PRSS1: variants seen among roughly 807,000 people sequenced by gnomAD.
PRSS1 encodes the protein serine protease 1.
Under a neutral mutation model 24.2 loss-of-function variants are expected in PRSS1, and 22 were observed. That is an observed-to-expected ratio of 0.91 (90% CI 0.65 to 1.30). The LOEUF (loss-of-function observed/expected upper bound fraction) is 1.30. Among genes scored for constraint, PRSS1 ranks in the 50% most tolerant of loss-of-function variants. PRSS1 has a pLI of 0.00. For missense variants in PRSS1, 366 were observed against 304.2 expected (o/e 1.20, Z -1.51); for synonymous variants, 126 against 116.1 (o/e 1.08, Z -0.55).
chr7:142,751,138 A>G (rs1268833611), intron 2 of PRSS1: 1 of 699,788 alleles, frequency 1.4e-6, no homozygotes, highest in East Asian at 2.7e-5. Context: ...TACCTCTGCT[A>G]ACTGTAGAGT....
At chr7:142,750,862 CAG>C (rs1798650414) in intron 2 of PRSS1, 148 bp downstream of exon 2, 3 of 1,201,058 alleles carry the variant, frequency 2.5e-6, no homozygotes, top group Non-Finnish European at 3.7e-6. Context: ...CTCTCCAGAG[CAG>C]AGAGTGAACA....
rs746669985 is a variant in PRSS1 at position 142,752,497 on chromosome 7, C to T, written c.521C>T (p.Ser174Phe). 6.2e-7 allele frequency: 1 copy of T among 1,614,182 alleles called. No individual in the cohort carries two copies. Among genetic ancestry groups the T allele is most frequent in the Middle Eastern group, 1.6e-4 (1 of 6,062 alleles). Residue 174 changes from serine to phenylalanine, a missense_variant, in exon 4 of 5, where the codon TCC becomes TTC. By Grantham distance (155) the Ser-to-Phe change is radical (BLOSUM62 -2). Coordinates refer to ENST00000311737, the MANE Select transcript of PRSS1 (RefSeq NM_002769.5). ...CTGAGCCAGGCTAAGTGTGAAGCCT[C>T]CTACCCTGGAAAGATTACCAGCAAC... ...PVLSQAKCEA[S>F]YPGKITSNMF...
rs11553844 is a variant in PRSS1, at chr7:142,752,017, G to A, written c.444G>A (p.Ala148=). ...KCLISGWGNT[A]SSGADYPDEL... ...TCATCTCTGGCTGGGGCAACACTGC[G>A]AGCTCTGGCGGTGAGTGGGACCCTT... The change falls in exon 3 of 5, where the codon GCG becomes GCA. Residue 148 remains alanine (A), a synonymous_variant. Coordinates refer to ENST00000311737, the MANE Select transcript of PRSS1 (RefSeq NM_002769.5). 10 of 1,614,110 alleles carry A rather than the reference G, an allele frequency of 6.2e-6. No individual in the cohort carries two copies. The highest frequency in any genetic ancestry group is 4.4e-5 in the South Asian group (4 of 91,074).
intron 2 of PRSS1, chr7:142,751,346 G>A (rs1004296187): frequency 9.8e-5 from 58 of 590,002 alleles, no homozygotes; most frequent in Non-Finnish European, 1.4e-4. Flanking sequence ...GCTACCCTTG[G>A]ATTAGATTAC....
rs993473335 is a variant in PRSS1, at chr7:142,749,583, C to T, written c.40+59C>T. ...CCCCCCCGTTCCTGGCCGACAAATG[C>T]CCTTCCATTCTTACCACCTCTCCTC... On this transcript the variant is annotated intron_variant, in intron 1 of 4. Coordinates refer to ENST00000311737, the MANE Select transcript of PRSS1 (RefSeq NM_002769.5). 138 of 1,568,948 alleles carry T rather than the reference C, an allele frequency of 8.8e-5. 1 individual carries two copies. Among genetic ancestry groups the T allele is most frequent in the Non-Finnish European group, 1.2e-4 (132 of 1,139,192 alleles).
At position 142,751,793 on chromosome 7, in the gene PRSS1, G is replaced by T. The variant is rs1166447807; in HGVS notation, c.220G>T (p.Gly74Ter). The part of the protein sequence containing the change: ...CYKSRIQVRL[G>*]EHNIEVLEGN... ...CATCAGCCGCATCCAGGTGAGACTG[G>T]GAGAGCACAACATCGAAGTCCTGGA... is the stretch of plus-strand genomic sequence containing the variant. Residue 74 changes from glycine (G) to a stop codon, truncating the protein, a stop_gained, in exon 3 of 5, where the codon GGA (glycine) becomes TGA (stop). Coordinates refer to ENST00000311737, the MANE Select transcript of PRSS1 (RefSeq NM_002769.5). LOFTEE classifies it high-confidence loss of function. The T allele has an allele frequency of 6.2e-7, 1 of 1,614,028 alleles. No homozygotes were observed. Among genetic ancestry groups the T allele is most frequent in the Non-Finnish European group, 8.5e-7 (1 of 1,180,028 alleles).
At chr7:142,751,058 T>C (rs1563259785) in intron 2 of PRSS1, 1 of 703,186 alleles carries the variant, frequency 1.4e-6, no homozygotes, top group Non-Finnish European at 2.6e-6. Context: ...GATGCCTTTG[T>C]CCTATCCCAG....
rs1563261623 is a variant in PRSS1 at position 142,752,025 on chromosome 7, G to A, written c.452G>A (p.Gly151Asp). 2.5e-6 allele frequency: 4 copies of A among 1,614,130 alleles called. No homozygotes were observed. The highest frequency in any genetic ancestry group is 1.7e-4 in the Middle Eastern group (1 of 6,060). ...GGCTGGGGCAACACTGCGAGCTCTG[G>A]CGGTGAGTGGGACCCTTAGTCCTTC... ...ISGWGNTASS[G>D]ADYPDELQCL... The change falls in exon 3 of 5, where the codon GGC (glycine) becomes GAC (aspartate). Residue 151 changes from glycine to aspartate, a missense_variant and splice_region_variant. By Grantham distance (94) the Gly-to-Asp change is moderately conservative. Transcript: ENST00000311737.
In PRSS1 at chr7:142,752,977, A is replaced by G. The variant is rs1798881190; in HGVS notation, c.701A>G (p.Asn234Ser). 4 of 1,613,740 alleles carry G rather than the reference A, an allele frequency of 2.5e-6. No individual in the cohort carries two copies. The African/African-American group carries it at 5.3e-5, about 22-fold the overall frequency. Reference protein sequence around the residue: ...NKPGVYTKVYNYVKWIKNTIA... With the variant: ...NKPGVYTKVYSYVKWIKNTIA... The stretch of plus-strand genomic sequence containing the variant: ...CCTGGAGTCTACACCAAGGTCTACA[A>G]CTATGTGAAATGGATTAAGAACACC... The change falls in exon 5 of 5, where the codon AAC (asparagine) becomes AGC (serine). Residue 234 changes from asparagine to serine, a missense_variant. Asn to Ser is a conservative substitution (Grantham distance 46). Coordinates refer to ENST00000311737, the MANE Select transcript of PRSS1 (RefSeq NM_002769.5).
chr7:142,751,525 G>A (rs1248725815), intron 2 of PRSS1: 9 of 642,954 alleles, frequency 1.4e-5, no homozygotes, highest in Non-Finnish European at 2.4e-5. Flanking sequence ...GGCAGGTTGA[G>A]GAGCAGCCTC....
chr7:142,751,921 T>A lies in PRSS1; in HGVS notation c.348T>A (p.Arg116=), dbSNP rs773085470. 1 of 1,614,070 alleles carries A rather than the reference T, an allele frequency of 6.2e-7. No individual in the cohort carries two copies. ...TCATGTTAATCAAGCTCTCCTCACG[T>A]GCAGTAATCAACGCCCGCGTGTCCA... The part of the protein sequence containing the change: ...NDIMLIKLSS[R]AVINARVSTI... The change falls in exon 3 of 5, where the codon CGT becomes CGA. Residue 116 remains arginine, a synonymous_variant. Transcript: ENST00000311737.
Position 142,752,716 on chromosome 7 carries a change from T to G in PRSS1, c.591+149T>G, listed in dbSNP as rs1396174860. The G allele has an allele frequency of 3.3e-6, 5 of 1,501,410 alleles. No homozygotes were observed. The East Asian group carries it at 1.1e-4, about 34-fold the overall frequency. The allele number at this position is 1,501,410 out of a possible 1,614,324, so 93.0% of individuals were successfully genotyped here. On this transcript the variant is annotated intron_variant, in intron 4 of 4. Coordinates refer to ENST00000311737, the MANE Select transcript of PRSS1 (RefSeq NM_002769.5). ...GTGAGGAAGACTCCCTTGGGCTGCA[T>G]CTTGTCTGCTTAGGAAGAACAGAGA... is the stretch of plus-strand genomic sequence containing the variant.
chr7:142,751,065 C>G, intron 2 of PRSS1: 1 of 703,020 alleles, frequency 1.4e-6, no homozygotes. Flanking sequence ...TTGTCCTATC[C>G]CAGGGCAATT....
rs755816580 is a variant in PRSS1, at chr7:142,751,838, A to G, written c.265A>G (p.Asn89Asp). ...EVLEGNEQFI[N>D]AAKIIRHPQY... ...CCTGGAGGGGAATGAGCAGTTCATC[A>G]ATGCAGCCAAGATCATCCGCCACCC... The change falls in exon 3 of 5, where the codon AAT becomes GAT. Residue 89 changes from asparagine (N) to aspartate (D), a missense_variant. Physicochemically the swap from Asn to Asp is conservative, Grantham distance 23 (BLOSUM62 1). Coordinates refer to ENST00000311737, the MANE Select transcript of PRSS1 (RefSeq NM_002769.5). 3 of 1,606,176 alleles carry G rather than the reference A, an allele frequency of 1.9e-6. No individual in the cohort carries two copies. Among genetic ancestry groups the G allele is most frequent in the Non-Finnish European group, 2.5e-6 (3 of 1,177,596 alleles).
intron 2 of PRSS1, chr7:142,751,267 A>T (rs1180090966): frequency 1.6e-6 from 1 of 611,800 alleles, no homozygotes; most frequent in African/African-American, 1.8e-5. Context: ...CAAGGTTCTG[A>T]TCAGTAGGTG....
chr7:142,751,412 C>G (rs1798715325), intron 2 of PRSS1: 1 of 573,690 alleles, frequency 1.7e-6, no homozygotes, highest in South Asian at 2.1e-5. Flanking sequence ...GCACTGTGCA[C>G]AGTTGGCAAA....
intron 4 of PRSS1, 141 bp downstream of exon 4, chr7:142,752,708 G>C: frequency 6.6e-7 from 1 of 1,504,582 alleles, no homozygotes; most frequent in Non-Finnish European, 9.2e-7. Context: ...AGACTCCCTT[G>C]GGCTGCATCT....
rs1412477456 is a variant in PRSS1, at chr7:142,752,877, G to C, written c.601G>C (p.Gly201Arg). The C allele has an allele frequency of 6.8e-6, 11 of 1,613,944 alleles. No individual in the cohort carries two copies. The highest frequency in any genetic ancestry group is 9.3e-6 in the Non-Finnish European group (11 of 1,179,906). Residue 201 changes from glycine to arginine, a missense_variant, in exon 5 of 5, where the codon GGT becomes CGT. Transcript: ENST00000311737. ...CCCTTCTTCCCCCCAGGGTGATTCT[G>C]GTGGCCCTGTGGTCTGCAATGGACA... The part of the protein sequence containing the change: ...GGKDSCQGDS[G>R]GPVVCNGQLQ...
intron 1 of PRSS1, among the ~76,000 whole-genome samples, chr7:142,750,042 G>A (rs775908769): frequency 1.3e-5 from 2 of 152,056 alleles, no homozygotes; most frequent in Non-Finnish European, 2.9e-5. Context: ...CAATAACAAA[G>A]TCTACCTTTG....
Sources: allele counts gnomAD v4.1 joint callset (sites outside exome capture counted in the v4.1 genomes callset), GRCh38; gene constraint gnomAD v4.1.1; transcripts MANE v1.5; gene names NCBI Gene and HGNC (gene_info 2026-07-23, HGNC 2026-07-21).